The following TTC3 variants were observed in gnomAD, a reference collection of about 807,000 sequenced individuals.
TTC3 encodes the protein E3 ubiquitin-protein ligase TTC3.
TTC3 carries 180 observed loss-of-function variants against 249.6 expected under a neutral mutation model. The observed-to-expected ratio is 0.72, with a 90% confidence interval of 0.64 to 0.82. The LOEUF is 0.82. Ranked by LOEUF, TTC3 falls within the 40% of genes least tolerant of loss-of-function variation. The pLI is 0.00. For missense variants in TTC3, 2,061 were observed against 2,398.4 expected (o/e 0.86, Z 2.94); for synonymous variants, 717 against 805.0 (o/e 0.89, Z 1.85).
intron 31 of TTC3, among the ~76,000 whole-genome samples, 175 bp from the exon 32 acceptor site, chr21:37,163,875 AC>A (rs975502315): frequency 6.6e-6 from 1 of 152,200 alleles, no homozygotes; most frequent in African/African-American, 2.4e-5. Flanking sequence ...CTCGCCTATA[AC>A]TGTGGAAGGG....
chr21:37,087,908 T>G, intron 3 of TTC3, 33 bp downstream of exon 3: 1 of 1,526,212 alleles, frequency 6.6e-7, no homozygotes, highest in Non-Finnish European at 9.0e-7. Context: ...TGTTAATTTA[T>G]GGAAAGACTA....
chr21:37,073,434 G>A, intron 1 of TTC3: 3 of 986,610 alleles, frequency 3.0e-6, no homozygotes, highest in Non-Finnish European at 2.4e-6. Flanking sequence ...CCGAGATGCC[G>A]GGGGAGCGGG....
chr21:37,191,370 A>G (rs2084072899), exon 40 of TTC3: 1 of 1,591,862 alleles, frequency 6.3e-7, no homozygotes, highest in Non-Finnish European at 8.5e-7. Flanking sequence ...AGTCTGATAT[A>G]CGTTCATGGG....
At chr21:37,096,028 T>G (rs2073904996) in intron 9 of TTC3, among the ~76,000 whole-genome samples, 1 of 152,218 alleles carries the variant, frequency 6.6e-6, no homozygotes, top group African/African-American at 2.4e-5. Flanking sequence ...TCCTCCCTTG[T>G]GCATCTCCAC....
chr21:37,189,463 C>G (rs2148191078), intron 39 of TTC3, among the ~76,000 whole-genome samples: 1 of 152,262 alleles, frequency 6.6e-6, no homozygotes, highest in East Asian at 1.9e-4. Context: ...CCAGGATGGT[C>G]TCTATCTCCT....
intron 20 of TTC3, among the ~76,000 whole-genome samples, chr21:37,141,317 A>G (rs1038041876): frequency 6.6e-5 from 10 of 152,214 alleles, no homozygotes; most frequent in African/African-American, 1.2e-4. Context: ...TTATAAAGAA[A>G]TAATTGTTGA....
chr21:37,187,770 C>T (rs933967494), intron 38 of TTC3: 1 of 152,198 alleles, frequency 6.6e-6, no homozygotes. Context: ...AAACATTAGG[C>T]TTTTCAATTA....
chr21:37,109,395 C>T (rs1420716505), intron 11 of TTC3, among the ~76,000 whole-genome samples: 9 of 152,224 alleles, frequency 5.9e-5, no homozygotes, highest in African/African-American at 9.6e-5. Context: ...GCTTATCAAA[C>T]GGCACACCAG....
At chr21:37,115,755 A>G (rs2076089593) in intron 11 of TTC3, among the ~76,000 whole-genome samples, 1 of 152,158 alleles carries the variant, frequency 6.6e-6, no homozygotes, top group African/African-American at 2.4e-5. Context: ...GCCTCTTGGC[A>G]TCCTCACTGT....
At chr21:37,175,360 G>T (rs377487190) in intron 35 of TTC3, among the ~76,000 whole-genome samples, 1 of 151,618 alleles carries the variant, frequency 6.6e-6, no homozygotes, top group East Asian at 1.9e-4. Flanking sequence ...ACTTTGGGAG[G>T]CCAAGGTGGG....
chr21:37,088,190 A>C lies in TTC3; in HGVS notation c.188-6A>C, dbSNP rs1283148500. 1.3e-6 allele frequency: 2 copies of C among 1,548,548 alleles called. No homozygotes were observed. The highest frequency in any genetic ancestry group is 4.2e-5 in the Admixed American group (2 of 48,104). ...ACATTAATTTTAAACTTTTTTTTTA[A>C]TTAAGAATTTGACATCTGCAGTATA... is the stretch of plus-strand genomic sequence containing the variant. On this transcript the variant is annotated splice_region_variant and splice_polypyrimidine_tract_variant and intron_variant, in intron 3 of 45. Transcript: ENST00000355666.
intron 24 of TTC3, among the ~76,000 whole-genome samples, chr21:37,150,409 T>C (rs1406595287): frequency 1.3e-5 from 2 of 152,216 alleles, no homozygotes; most frequent in Non-Finnish European, 2.9e-5. Flanking sequence ...TTAGTTTTAC[T>C]ATTTTTACTG....
At chr21:37,152,358 G>T (rs73204032) in intron 26 of TTC3, among the ~76,000 whole-genome samples, 1 of 150,160 alleles carries the variant, frequency 6.7e-6, no homozygotes, top group Admixed American at 6.6e-5. Context: ...GGAAGTGGCC[G>T]TATTTTAGGG....
chr21:37,139,391 A>G (rs1228598037), intron 19 of TTC3, among the ~76,000 whole-genome samples: 1 of 152,062 alleles, frequency 6.6e-6, no homozygotes, highest in East Asian at 1.9e-4. Flanking sequence ...TTACCTACCT[A>G]TACTGTTTGG....
intron 32 of TTC3, among the ~76,000 whole-genome samples, chr21:37,164,502 C>G (rs576854992): frequency 8.6e-6 from 1 of 115,702 alleles, no homozygotes; most frequent in South Asian, 3.4e-4. Context: ...CCATGCCTGG[C>G]TAATTTTTGT....
At chr21:37,078,711 T>G (rs1032804604) in intron 1 of TTC3, among the ~76,000 whole-genome samples, 13 of 152,168 alleles carry the variant, frequency 8.5e-5, no homozygotes, top group African/African-American at 2.7e-4. Context: ...TTCCTTTGTG[T>G]TTTCTGTGTG....
chr21:37,094,072 T>G (rs1291443425), exon 8 of TTC3: 1 of 1,599,738 alleles, frequency 6.3e-7, no homozygotes, highest in Non-Finnish European at 8.6e-7. Context: ...AAACTCAAAG[T>G]TGTATGGATT....
chr21:37,153,039 C>T (rs372902619), exon 27 of TTC3: 20 of 1,613,878 alleles, frequency 1.2e-5, no homozygotes, highest in Non-Finnish European at 1.7e-5. Context: ...TTAAATCCGG[C>T]ATACAGAATA....
At chr21:37,167,717 C>T in intron 34 of TTC3, 97 bp downstream of exon 34, 1 of 858,186 alleles carries the variant, frequency 1.2e-6, no homozygotes, top group Non-Finnish European at 1.8e-6. Context: ...TCAGCTTATT[C>T]CACACAAAGT....
Sources: allele counts gnomAD v4.1 joint callset (sites outside exome capture counted in the v4.1 genomes callset), GRCh38; gene constraint gnomAD v4.1.1; transcripts MANE v1.5; gene names NCBI Gene and HGNC (gene_info 2026-07-23, HGNC 2026-07-21).